Variants in TRIQK observed in about 807,000 individuals in gnomAD.
The protein encoded by TRIQK is triple QxxK/R motif-containing protein.
A neutral mutation model predicts 10.8 loss-of-function variants in TRIQK; 10 were observed. That is an observed-to-expected ratio of 0.92 (90% CI 0.57 to 1.57). The LOEUF (loss-of-function observed/expected upper bound fraction) is 1.57. Ranked by LOEUF, TRIQK falls within the 40% of genes most tolerant of loss-of-function variation. The probability of loss-of-function intolerance (pLI) is 0.00; values close to 1 mark genes in which losing one functional copy is unlikely to be tolerated. For missense variants in TRIQK, 107 were observed against 97.7 expected (o/e 1.09, Z -0.40); for synonymous variants, 33 against 33.7 (o/e 0.98, Z 0.07).
At chr8:92,986,968 C>T (rs997596517) in intron 1 of TRIQK, among the ~76,000 whole-genome samples, 1 of 152,114 alleles carries the variant, frequency 6.6e-6, no homozygotes, top group African/African-American at 2.4e-5. Flanking sequence ...ACAAGCTACC[C>T]AAGTAACAGA....
At chr8:92,935,464 T>C (rs547033395) in intron 2 of TRIQK, among the ~76,000 whole-genome samples, 2 of 151,748 alleles carry the variant, frequency 1.3e-5, no homozygotes, top group Admixed American at 6.6e-5. Context: ...CAACAGAAAG[T>C]TTTGAAAAAT....
intron 1 of TRIQK, among the ~76,000 whole-genome samples, chr8:92,978,486 T>C (rs901542674): frequency 6.6e-6 from 1 of 152,092 alleles, no homozygotes; most frequent in Admixed American, 6.6e-5. Flanking sequence ...TATTCAAAAA[T>C]TATTTATCGT....
chr8:92,918,591 T>A, intron 2 of TRIQK, among the ~76,000 whole-genome samples: 1 of 152,080 alleles, frequency 6.6e-6, no homozygotes, highest in Non-Finnish European at 1.5e-5. Flanking sequence ...TTGAGTTGTT[T>A]GAGCTCCTTA....
intron 1 of TRIQK, among the ~76,000 whole-genome samples, chr8:93,003,986 A>C (rs1813241439): frequency 6.6e-6 from 1 of 152,096 alleles, no homozygotes; most frequent in Non-Finnish European, 1.5e-5. Context: ...AGCTACTTTC[A>C]CAGGCTAGCA....
chr8:92,983,472 C>A (rs1813005054), intron 1 of TRIQK, among the ~76,000 whole-genome samples: 1 of 152,026 alleles, frequency 6.6e-6, no homozygotes. Context: ...CTTCCTTAAC[C>A]TAGAGGTTTC....
chr8:92,900,671 T>C (rs569121238), intron 3 of TRIQK, among the ~76,000 whole-genome samples: 2 of 152,124 alleles, frequency 1.3e-5, no homozygotes, highest in East Asian at 1.9e-4. Context: ...AGTCAGTTAA[T>C]GTGATTCTTC....
chr8:92,978,223 C>T (rs1812952017), intron 1 of TRIQK, among the ~76,000 whole-genome samples: 1 of 152,112 alleles, frequency 6.6e-6, no homozygotes, highest in Non-Finnish European at 1.5e-5. Flanking sequence ...GGCACACCAC[C>T]AGGCTCTACC....
At chr8:92,887,824 C>A (rs111369857) in intron 4 of TRIQK, among the ~76,000 whole-genome samples, 2 of 151,554 alleles carry the variant, frequency 1.3e-5, no homozygotes, top group African/African-American at 4.8e-5. Context: ...ATAAATAGAT[C>A]TTTTATACAG....
intron 2 of TRIQK, among the ~76,000 whole-genome samples, chr8:92,924,136 G>A (rs919987175): frequency 6.6e-6 from 1 of 151,904 alleles, no homozygotes; most frequent in Non-Finnish European, 1.5e-5. Flanking sequence ...AAGGTATTTG[G>A]TTATGGCTGC....
chr8:92,960,583 GTCT>G (rs1812408492), intron 1 of TRIQK: 1 of 152,168 alleles, frequency 6.6e-6, no homozygotes, highest in African/African-American at 2.4e-5. Flanking sequence ...ATCTGGATGT[GTCT>G]TCAAAAGTAG....
intron 1 of TRIQK, among the ~76,000 whole-genome samples, chr8:93,008,695 A>G (rs1224847448): frequency 2.6e-5 from 4 of 152,152 alleles, no homozygotes; most frequent in South Asian, 2.1e-4. Flanking sequence ...TTGACACCCA[A>G]CCGATTTTCC....
chr8:92,974,277 A>G (rs1003511330), intron 1 of TRIQK: 1 of 152,342 alleles, frequency 6.6e-6, no homozygotes, highest in Admixed American at 6.5e-5. Flanking sequence ...CAGAACTTGT[A>G]TATCATCCAA....
At chr8:92,912,482 A>G (rs756759818) in intron 3 of TRIQK, among the ~76,000 whole-genome samples, 6 of 151,958 alleles carry the variant, frequency 3.9e-5, no homozygotes, top group Non-Finnish European at 5.9e-5. Flanking sequence ...AATATCTCAA[A>G]TAACCTAACT....
At position 92,989,034 on chromosome 8, in the gene TRIQK, A is replaced by G. The variant is rs530329377; in HGVS notation, c.-181+28575T>C. Among the ~76,000 whole-genome samples the G allele has an allele frequency of 5.0e-4, 76 of 152,350 alleles. 1 individual carries two copies. The Middle Eastern group carries it at 0.024, about 48-fold the overall frequency. ...AAATTAGTGGGTTACAGATGCAAGA[A>G]TACATGGATAAATCAGATAGCCATT... On this transcript the variant is annotated intron_variant, in intron 1 of 4. Coordinates refer to the TRIQK transcript ENST00000520686.
chr8:92,943,791 T>C, intron 2 of TRIQK, among the ~76,000 whole-genome samples: 1 of 152,162 alleles, frequency 6.6e-6, no homozygotes, highest in East Asian at 1.9e-4. Flanking sequence ...AAGGATTTTT[T>C]TGGGTAAGAT....
At chr8:92,921,170 G>A (rs550226215) in intron 2 of TRIQK, among the ~76,000 whole-genome samples, 56 of 151,554 alleles carry the variant, frequency 3.7e-4, no homozygotes, top group Non-Finnish European at 7.1e-4. Context: ...GTGATGCTGG[G>A]GAGGAGTAGA....
chr8:92,941,902 A>T (rs1329849306), intron 2 of TRIQK, among the ~76,000 whole-genome samples: 1 of 152,212 alleles, frequency 6.6e-6, no homozygotes, highest in Non-Finnish European at 1.5e-5. Flanking sequence ...TCTGAACAGA[A>T]CAATAATAAC....
upstream of TRIQK, among the ~76,000 whole-genome samples, chr8:92,966,980 C>CAAAAAAAAAAAACAAAAAAAA (rs1812774775): frequency 1.5e-5 from 1 of 68,844 alleles, no homozygotes; most frequent in African/African-American, 6.1e-5. Flanking sequence ...AAGTAGCATA[C>CAAAAAAAAAAAACAAAAAAAA]AAAAAAAAAA....
At chr8:92,982,696 A>T (rs528870086) in intron 1 of TRIQK, among the ~76,000 whole-genome samples, 1 of 152,160 alleles carries the variant, frequency 6.6e-6, no homozygotes, top group South Asian at 2.1e-4. Context: ...CAGATGCTGC[A>T]AATATCAATG....
Sources: gnomAD v4.1 joint callset for allele counts (sites outside exome capture counted in the v4.1 genomes callset) on GRCh38, gnomAD v4.1.1 for gene constraint, MANE v1.5 for transcripts, NCBI Gene and HGNC (gene_info 2026-07-23, HGNC 2026-07-21) for gene names.